Variants in ARHGEF38 observed in about 807,000 individuals in gnomAD.
ARHGEF38 encodes the protein Rho guanine nucleotide exchange factor 38.
Under a neutral mutation model 79.9 loss-of-function variants are expected in ARHGEF38, and 79 were observed. That is an observed-to-expected ratio of 0.99 (90% CI 0.82 to 1.19). The LOEUF is 1.19. ARHGEF38 is among the 50% of genes most tolerant of loss of function. ARHGEF38 has a pLI of 0.00. For missense variants in ARHGEF38, 962 were observed against 907.2 expected, an observed-to-expected ratio of 1.06 and a Z score of -0.78; for synonymous variants, 366 against 328.3, an observed-to-expected ratio of 1.11 and a Z score of -1.24.
In ARHGEF38 at chr4:105,582,009, C is replaced by CA. The variant is rs544013259; in HGVS notation, c.197-7233dup. ...TGAAACCCCGTCTCTACTAAAAATA[C>CA]AAAAAATTGGCTGGGTGTGGTGGCG... On this transcript the variant is annotated intron_variant, in intron 1 of 13. Coordinates refer to ENST00000420470, the MANE Select transcript of ARHGEF38 (RefSeq NM_001242729.2). Among the ~76,000 whole-genome samples, 348 of 151,804 alleles carry CA rather than the reference C, an allele frequency of 2.3e-3. 1 individual carries two copies. The highest frequency in any genetic ancestry group is 8.0e-3 in the African/African-American group (333 of 41,382).
intron 5 of ARHGEF38, among the ~76,000 whole-genome samples, chr4:105,644,167 C>T (rs1280245214): frequency 6.6e-6 from 1 of 151,908 alleles, no homozygotes; most frequent in Non-Finnish European, 1.5e-5. Flanking sequence ...TGTGCCTGGC[C>T]CCCGACCCTT....
At chr4:105,577,334 GA>G (rs1224427664) in intron 1 of ARHGEF38, among the ~76,000 whole-genome samples, 1 of 141,362 alleles carries the variant, frequency 7.1e-6, no homozygotes, top group African/African-American at 2.7e-5. Flanking sequence ...TCCCACCTAT[GA>G]GTGAGAATAC....
chr4:105,614,679 G>A (rs1298582536), intron 3 of ARHGEF38, among the ~76,000 whole-genome samples: 2 of 152,112 alleles, frequency 1.3e-5, no homozygotes, highest in Non-Finnish European at 2.9e-5. Flanking sequence ...CCAACAAATT[G>A]TAAAAATATT....
chr4:105,629,189 G>A (rs1014713633), intron 3 of ARHGEF38, among the ~76,000 whole-genome samples: 2 of 152,144 alleles, frequency 1.3e-5, no homozygotes, highest in African/African-American at 4.8e-5. Context: ...CTGATTTCAA[G>A]TTTAGTGTTC....
chr4:105,589,308 A>G lies in ARHGEF38; in HGVS notation c.257A>G (p.His86Arg), dbSNP rs775275752. Residue 86 changes from histidine (H) to arginine (R), a missense_variant, in exon 2 of 14, where the codon CAT becomes CGT. His to Arg is a conservative substitution (Grantham distance 29). Transcript: ENST00000420470. ...VAETLTPEEE[H>R]HMKRMMAKRE... ...GAGACCTTAACCCCAGAGGAAGAGC[A>G]TCATATGAAGAGGATGATGGCAAAG... 8 of 1,614,144 alleles carry G rather than the reference A, an allele frequency of 5.0e-6. No homozygotes were observed. The highest frequency in any genetic ancestry group is 6.8e-6 in the Non-Finnish European group (8 of 1,180,000).
Position 105,630,961 on chromosome 4 carries a change from A to G in ARHGEF38, c.572A>G (p.His191Arg), listed in dbSNP as rs34152356. ...EDIYKIYCYH[H>R]DEAHSILESY... ...ATTTATAAAATCTACTGCTATCACC[A>G]TGATGAAGCACATAGTATACTGGAG... is the stretch of plus-strand genomic sequence containing the variant. Residue 191 changes from histidine to arginine, a missense_variant, in exon 4 of 14, where the codon CAT (histidine) becomes CGT (arginine). His to Arg is a conservative substitution (Grantham distance 29). Transcript: ENST00000420470. The G allele has an allele frequency of 1.1e-4, 172 of 1,613,744 alleles. No homozygotes were observed. Among genetic ancestry groups the G allele is most frequent in the Middle Eastern group, 1.6e-4 (1 of 6,082 alleles).
chr4:105,613,632 C>T (rs1367735692), intron 3 of ARHGEF38, 125 bp downstream of exon 3: 6 of 1,012,626 alleles, frequency 5.9e-6, no homozygotes, highest in Non-Finnish European at 8.4e-6. Flanking sequence ...ATGCTAAACC[C>T]ATCTTTGGGC....
intron 9 of ARHGEF38, 73 bp from the exon 10 acceptor site, chr4:105,658,981 C>T: frequency 1.5e-6 from 2 of 1,312,152 alleles, no homozygotes; most frequent in Non-Finnish European, 2.0e-6. Flanking sequence ...AAAGGTAAAC[C>T]TATGGATAGC....
At chr4:105,612,180 C>T (rs146544187) in intron 2 of ARHGEF38, among the ~76,000 whole-genome samples, 1 of 152,056 alleles carries the variant, frequency 6.6e-6, no homozygotes, top group Non-Finnish European at 1.5e-5. Flanking sequence ...TTCCTTACCC[C>T]TTGAATAGAC....
intron 5 of ARHGEF38, among the ~76,000 whole-genome samples, chr4:105,640,070 T>C (rs1419221250): frequency 6.6e-6 from 1 of 152,096 alleles, no homozygotes; most frequent in Non-Finnish European, 1.5e-5. Context: ...GTTTCCTTTT[T>C]AGATACTATC....
At chr4:105,579,881 G>A (rs950194332) in intron 1 of ARHGEF38, among the ~76,000 whole-genome samples, 4 of 152,088 alleles carry the variant, frequency 2.6e-5, no homozygotes, top group Admixed American at 6.6e-5. Context: ...TTGGTTGGTA[G>A]GCTATTTACT....
intron 3 of ARHGEF38, among the ~76,000 whole-genome samples, chr4:105,629,131 AT>A (rs1183633102): frequency 6.6e-6 from 1 of 152,226 alleles, no homozygotes; most frequent in Admixed American, 6.5e-5. Context: ...AGCTACTAAA[AT>A]TTTAAAAAGT....
chr4:105,641,963 A>C (rs962692598), intron 5 of ARHGEF38, among the ~76,000 whole-genome samples: 1 of 152,182 alleles, frequency 6.6e-6, no homozygotes, highest in Non-Finnish European at 1.5e-5. Context: ...GAGGAAGATG[A>C]AATAGAATTA....
chr4:105,659,849 T>TTGTGTGTGTGTGTGTGTG (rs59465723), intron 10 of ARHGEF38, among the ~76,000 whole-genome samples: 73 of 133,236 alleles, frequency 5.5e-4, no homozygotes, highest in African/African-American at 2.2e-3. Context: ...AAGCCTGGTT[T>TTGTGTGTGTGTGTGTGTG]TGTGTGTGTG....
intron 1 of ARHGEF38, among the ~76,000 whole-genome samples, chr4:105,587,005 G>A (rs1056770560): frequency 6.7e-6 from 1 of 148,716 alleles, no homozygotes; most frequent in Non-Finnish European, 1.5e-5. Context: ...CCACAATGCA[G>A]CCTCCTCACT....
chr4:105,641,512 G>C (rs1053458098), intron 5 of ARHGEF38, among the ~76,000 whole-genome samples: 1 of 151,924 alleles, frequency 6.6e-6, no homozygotes, highest in African/African-American at 2.4e-5. Context: ...CTTTAAAATT[G>C]ACTTAGGTAT....
intron 4 of ARHGEF38, chr4:105,633,025 C>A (rs533462549): frequency 5.8e-4 from 88 of 152,874 alleles, no homozygotes; most frequent in Non-Finnish European, 7.5e-4. Flanking sequence ...AAATTATTTT[C>A]AGACCCAATG....
At chr4:105,642,585 C>T (rs1729665723) in intron 5 of ARHGEF38, among the ~76,000 whole-genome samples, 1 of 152,046 alleles carries the variant, frequency 6.6e-6, no homozygotes, top group African/African-American at 2.4e-5. Context: ...TTTTACTTCC[C>T]ATTCATTCTG....
chr4:105,624,483 T>G (rs530864258), intron 3 of ARHGEF38, among the ~76,000 whole-genome samples: 2 of 152,304 alleles, frequency 1.3e-5, no homozygotes, highest in African/African-American at 4.8e-5. Flanking sequence ...ACCTGCTGCC[T>G]GTATTTGGTT....
Sources: gnomAD v4.1 joint callset for allele counts (sites outside exome capture counted in the v4.1 genomes callset) on GRCh38, gnomAD v4.1.1 for gene constraint, MANE v1.5 for transcripts, NCBI Gene and HGNC (gene_info 2026-07-23, HGNC 2026-07-21) for gene names.